The following PIAS2 variants were observed in gnomAD, a reference collection of about 807,000 sequenced individuals.
PIAS2 encodes E3 SUMO-protein ligase PIAS2.
PIAS2 carries 19 observed loss-of-function variants against 69.7 expected under a neutral mutation model. The ratio of observed to expected loss-of-function variants is 0.27; its 90% confidence interval spans 0.19 to 0.40. The LOEUF (loss-of-function observed/expected upper bound fraction) is 0.40. Ranked by LOEUF, PIAS2 falls within the 10% of genes least tolerant of loss-of-function variation. PIAS2 has a pLI of 1.00. For missense variants in PIAS2, 624 were observed against 757.0 expected (o/e 0.82, Z 2.06); for synonymous variants, 261 against 263.2 (o/e 0.99, Z 0.08).
chr18:46,827,753 C>A, intron 11 of PIAS2: 1 of 469,750 alleles, frequency 2.1e-6, no homozygotes, highest in Non-Finnish European at 3.8e-6. Flanking sequence ...ACCTCACACG[C>A]TCACTTTCCA....
chr18:46,829,482 T>G (rs2043283047), intron 10 of PIAS2, among the ~76,000 whole-genome samples: 1 of 152,222 alleles, frequency 6.6e-6, no homozygotes, highest in Non-Finnish European at 1.5e-5. Context: ...AACATCATAT[T>G]TTAAAATGAT....
At chr18:46,853,915 C>T (rs973833718) in intron 5 of PIAS2, 1 of 152,434 alleles carries the variant, frequency 6.6e-6, no homozygotes, top group East Asian at 1.9e-4. Context: ...AAGCAATCCC[C>T]CCTGACCATA....
At chr18:46,827,788 A>C (rs2043030709) in intron 11 of PIAS2, 171 bp downstream of exon 11, 3 of 516,604 alleles carry the variant, frequency 5.8e-6, no homozygotes, top group African/African-American at 5.7e-5. Context: ...TTCTCCATCA[A>C]AATTTGCTTC....
intron 5 of PIAS2, among the ~76,000 whole-genome samples, chr18:46,854,665 C>T (rs1195842518): frequency 6.6e-6 from 1 of 152,140 alleles, no homozygotes; most frequent in African/African-American, 2.4e-5. Flanking sequence ...ACATTGTATA[C>T]ATCCTAGGTG....
intron 5 of PIAS2, 91 bp from the exon 6 acceptor site, chr18:46,846,932 C>G (rs2046243152): frequency 9.1e-7 from 1 of 1,097,518 alleles, no homozygotes; most frequent in African/African-American, 1.6e-5. Flanking sequence ...TGCCCAATTT[C>G]AGTTACACTA....
At chr18:46,903,074 C>CA in intron 1 of PIAS2, among the ~76,000 whole-genome samples, 1 of 152,134 alleles carries the variant, frequency 6.6e-6, no homozygotes, top group Middle Eastern at 3.2e-3. Flanking sequence ...AAATGGATCA[C>CA]AGAGTCAAAT....
At chr18:46,869,387 A>G (rs1019751782) in intron 2 of PIAS2, among the ~76,000 whole-genome samples, 2 of 151,338 alleles carry the variant, frequency 1.3e-5, no homozygotes, top group Non-Finnish European at 2.9e-5. Context: ...GCCTCAGCAA[A>G]CCTCTAGAGA....
At chr18:46,889,422 AG>A (rs1337300570) in intron 2 of PIAS2, among the ~76,000 whole-genome samples, 1 of 152,212 alleles carries the variant, frequency 6.6e-6, no homozygotes, top group East Asian at 1.9e-4. Context: ...AATGGGCAAG[AG>A]ACTTGGCTAT....
At chr18:46,859,512 A>T (rs556448322) in intron 3 of PIAS2, among the ~76,000 whole-genome samples, 1 of 152,100 alleles carries the variant, frequency 6.6e-6, no homozygotes, top group Non-Finnish European at 1.5e-5. Context: ...CCTATCACAA[A>T]GAGGCCTCTG....
chr18:46,847,699 G>C (rs1400763716), intron 5 of PIAS2, among the ~76,000 whole-genome samples: 1 of 152,054 alleles, frequency 6.6e-6, no homozygotes, highest in Non-Finnish European at 1.5e-5. Context: ...AGCCAGGATG[G>C]TCTTGATCTC....
At chr18:46,835,270 AC>A (rs1315694418) in intron 9 of PIAS2, among the ~76,000 whole-genome samples, 4 of 152,238 alleles carry the variant, frequency 2.6e-5, no homozygotes, top group Admixed American at 2.6e-4. Context: ...AATGTTAACA[AC>A]TGAAGCATCT....
intron 11 of PIAS2, among the ~76,000 whole-genome samples, chr18:46,824,006 G>A (rs1303018118): frequency 6.6e-6 from 1 of 152,136 alleles, no homozygotes; most frequent in East Asian, 1.9e-4. Flanking sequence ...AAGATTTAAA[G>A]CTTTTAAAAC....
intron 5 of PIAS2, among the ~76,000 whole-genome samples, chr18:46,855,097 T>C (rs1490448569): frequency 1.7e-5 from 2 of 115,222 alleles, no homozygotes; most frequent in African/African-American, 7.2e-5. Context: ...TAGGACCTTG[T>C]CTCTTTAAAA....
chr18:46,910,489 G>A (rs2057137862), intron 1 of PIAS2, among the ~76,000 whole-genome samples: 2 of 152,168 alleles, frequency 1.3e-5, no homozygotes, highest in African/African-American at 2.4e-5. Context: ...CCAATTCAGG[G>A]AAGTGTCTCA....
At chr18:46,848,273 T>C (rs958957476) in intron 5 of PIAS2, among the ~76,000 whole-genome samples, 1 of 152,220 alleles carries the variant, frequency 6.6e-6, no homozygotes, top group Non-Finnish European at 1.5e-5. Context: ...CTGGATCTTA[T>C]GAGAATCCAT....
intron 2 of PIAS2, among the ~76,000 whole-genome samples, chr18:46,870,084 A>C (rs1404487600): frequency 6.6e-6 from 1 of 151,922 alleles, no homozygotes; most frequent in African/African-American, 2.4e-5. Context: ...ACCCTGAGTC[A>C]ATGCCTGCCC....
intron 2 of PIAS2, among the ~76,000 whole-genome samples, chr18:46,868,458 G>A (rs2049829933): frequency 6.6e-6 from 1 of 152,078 alleles, no homozygotes; most frequent in South Asian, 2.1e-4. Context: ...ACCCTGACAT[G>A]CCCAAACATG....
intron 8 of PIAS2, among the ~76,000 whole-genome samples, chr18:46,843,275 A>T (rs754733319): frequency 6.6e-6 from 1 of 152,194 alleles, no homozygotes; most frequent in African/African-American, 2.4e-5. Flanking sequence ...CATTTAAAAA[A>T]CTGCACATTT....
chr18:46,915,297 T>C (rs1372878187), intron 1 of PIAS2: 1 of 152,158 alleles, frequency 6.6e-6, no homozygotes, highest in African/African-American at 2.4e-5. Context: ...TATATTAAAA[T>C]GGGTATATAC....
Sources: allele counts gnomAD v4.1 joint callset (sites outside exome capture counted in the v4.1 genomes callset), GRCh38; gene constraint gnomAD v4.1.1; transcripts MANE v1.5; gene names NCBI Gene and HGNC (gene_info 2026-07-23, HGNC 2026-07-21).